Variants in SLC1A2 observed in about 807,000 individuals in gnomAD.
The protein encoded by SLC1A2 is excitatory amino acid transporter 2.
Under a neutral mutation model 48.8 loss-of-function variants are expected in SLC1A2, and 15 were observed. The ratio of observed to expected loss-of-function variants is 0.31; its 90% CI spans 0.21 to 0.47. SLC1A2 has a LOEUF of 0.47. Among genes scored for constraint, SLC1A2 ranks in the 20% least tolerant of loss-of-function variants. The probability of loss-of-function intolerance (pLI) is 0.99; values close to 1 mark genes in which losing one functional copy is unlikely to be tolerated. For missense variants in SLC1A2, 502 were observed against 730.5 expected (o/e 0.69, Z 3.61); for synonymous variants, 279 against 272.6 (o/e 1.02, Z -0.23).
At chr11:35,263,027 T>C (rs77049751) in intron 10 of SLC1A2, among the ~76,000 whole-genome samples, 2,039 of 152,236 alleles carry the variant, frequency 0.013, 25 homozygotes, top group Non-Finnish European at 0.024. Context: ...ATTTATTGAG[T>C]CCCCTACAAC....
At chr11:35,357,836 G>T (rs1351535626) in intron 1 of SLC1A2, among the ~76,000 whole-genome samples, 1 of 152,140 alleles carries the variant, frequency 6.6e-6, no homozygotes, top group South Asian at 2.1e-4. Flanking sequence ...AATGGTTTAA[G>T]TTCTTTTTCT....
At position 35,258,533 on chromosome 11, in the gene SLC1A2, T is replaced by G. The variant is rs1360885579; in HGVS notation, c.*2361A>C. 6.5e-6 allele frequency: 1 copy of G among 152,672 alleles called. No individual in the cohort carries two copies. The highest frequency in any genetic ancestry group is 1.5e-5 in the Non-Finnish European group (1 of 68,052). 9.5% of individuals were successfully genotyped at this position (152,672 alleles called of 1,614,324 possible). ...AACAAGCTCCTAGACGCTTTGCCTA[T>G]AGCCTCCAACTTACCAGAAAAAAGC... is the stretch of plus-strand genomic sequence containing the variant. On this transcript the variant is annotated 3_prime_UTR_variant, in exon 11 of 11. Transcript: ENST00000278379.
intron 1 of SLC1A2, among the ~76,000 whole-genome samples, chr11:35,328,943 C>A (rs1464153853): frequency 6.6e-6 from 1 of 152,204 alleles, no homozygotes; most frequent in Non-Finnish European, 1.5e-5. Context: ...ACACAAAACA[C>A]TGCACAGGGA....
At chr11:35,417,666 A>T (rs753991717) in intron 1 of SLC1A2, among the ~76,000 whole-genome samples, 12 of 152,336 alleles carry the variant, frequency 7.9e-5, no homozygotes, top group Non-Finnish European at 8.8e-5. Context: ...TCTAAACTGC[A>T]AAATAGGGCA....
chr11:35,419,063 G>A lies in SLC1A2; in HGVS notation c.-97C>T, dbSNP rs1010027357. 8.5e-7 allele frequency: 1 copy of A among 1,175,134 alleles called. No individual in the cohort carries two copies. The highest frequency in any genetic ancestry group is 1.2e-6 in the Non-Finnish European group (1 of 824,910). The allele number at this position is 1,175,134 out of a possible 1,614,324, so 72.8% of individuals were successfully genotyped here. A position where few individuals can be genotyped will look rare whatever the true frequency, so the allele number is the denominator to read the frequency against. On this transcript the variant is annotated 5_prime_UTR_variant, in exon 1 of 11. Coordinates refer to ENST00000278379, the MANE Select transcript of SLC1A2 (RefSeq NM_004171.4). The surrounding 1 kb of genome is among the most constrained non-coding windows in gnomAD (Gnocchi z 5.4). ...GTGAGCGCGAAGTGCGGCCGGGAGC[G>A]GTATTTAAGAGGAGCCTCTGCCCGC...
chr11:35,358,657 A>G (rs1853567951), intron 1 of SLC1A2, among the ~76,000 whole-genome samples: 2 of 152,084 alleles, frequency 1.3e-5, no homozygotes, highest in African/African-American at 4.8e-5. Context: ...TTTTATCATC[A>G]TCTTGGACTT....
At chr11:35,370,935 A>G in intron 1 of SLC1A2, 2 of 984,410 alleles carry the variant, frequency 2.0e-6, no homozygotes, top group Non-Finnish European at 2.4e-6. Flanking sequence ...ATATATGAAA[A>G]CTTGCCTTGC....
At chr11:35,399,108 G>A (rs189678842) in intron 1 of SLC1A2, among the ~76,000 whole-genome samples, 1 of 152,150 alleles carries the variant, frequency 6.6e-6, no homozygotes, top group Non-Finnish European at 1.5e-5. Flanking sequence ...AAAATGTTTG[G>A]TTTGGAATCT....
At chr11:35,302,319 T>C (rs1363463109) in intron 5 of SLC1A2, among the ~76,000 whole-genome samples, 1 of 152,344 alleles carries the variant, frequency 6.6e-6, no homozygotes, top group South Asian at 2.1e-4. Flanking sequence ...ATTTTCATGA[T>C]TGAAATGGTT....
rs563868572 is a variant in SLC1A2 at position 35,331,974 on chromosome 11, T to A, written c.18-14458A>T. On this transcript the variant is annotated intron_variant, in intron 1 of 10. Coordinates refer to ENST00000278379, the MANE Select transcript of SLC1A2 (RefSeq NM_004171.4). ...TGAGAGACTAGTGATTTGGAGGTAC[T>A]AAGGGGACCCAAGTCTGCAGGGACT... 3.3e-5 allele frequency among the ~76,000 whole-genome samples: 5 copies of A among 152,220 alleles called. No homozygotes were observed. The South Asian group carries it at 1.0e-3, about 32-fold the overall frequency.
rs777116682 is a variant in SLC1A2, at chr11:35,315,036, G to A, written c.297C>T (p.Ser99=). The change falls in exon 3 of 11, where the codon TCC becomes TCT. Residue 99 remains serine, a synonymous_variant. Coordinates refer to ENST00000278379, the MANE Select transcript of SLC1A2 (RefSeq NM_004171.4). ...AGGTAGTCTTACCTGTGATTAAGCT[G>A]GAGATGATTAGAGGGAGAATGAGCA... The part of the protein sequence containing the change: ...LKMLILPLII[S]SLITGLSGLD... 5.0e-6 allele frequency: 8 copies of A among 1,612,956 alleles called. No individual in the cohort carries two copies. Among genetic ancestry groups the A allele is most frequent in the Non-Finnish European group, 5.9e-6 (7 of 1,179,030 alleles).
At chr11:35,401,583 G>C (rs971048330) in intron 1 of SLC1A2, among the ~76,000 whole-genome samples, 1 of 152,180 alleles carries the variant, frequency 6.6e-6, no homozygotes, top group Admixed American at 6.5e-5. Flanking sequence ...TTGGGTGAGA[G>C]GAGGGGTCCA....
At chr11:35,298,086 G>C (rs1176307329) in intron 6 of SLC1A2, 1 of 152,170 alleles carries the variant, frequency 6.6e-6, no homozygotes, top group African/African-American at 2.4e-5. Flanking sequence ...GTCAACCTCT[G>C]TGCTTAGTTT....
At chr11:35,301,066 AAT>A (rs1162074766) in intron 6 of SLC1A2, among the ~76,000 whole-genome samples, 3 of 152,076 alleles carry the variant, frequency 2.0e-5, no homozygotes, top group Admixed American at 2.0e-4. Context: ...AAAATAAATA[AAT>A]ATCTTTCTAA....
At chr11:35,382,225 T>C (rs1854447950) in intron 1 of SLC1A2, among the ~76,000 whole-genome samples, 2 of 152,246 alleles carry the variant, frequency 1.3e-5, no homozygotes, top group South Asian at 4.1e-4. Context: ...GTTGGACCTT[T>C]ACTTACCATT....
chr11:35,277,486 C>A (rs866941390), intron 9 of SLC1A2, among the ~76,000 whole-genome samples: 9 of 152,222 alleles, frequency 5.9e-5, no homozygotes, highest in Non-Finnish European at 1.0e-4. Flanking sequence ...CCCTTTTCCT[C>A]ACTCCTGATC....
At chr11:35,409,044 C>T (rs2059489619) in intron 1 of SLC1A2, among the ~76,000 whole-genome samples, 1 of 152,180 alleles carries the variant, frequency 6.6e-6, no homozygotes, top group Admixed American at 6.5e-5. Context: ...TAATCAATGT[C>T]TTGGTCTCAG....
At chr11:35,271,232 T>C (rs187654828) in intron 9 of SLC1A2, among the ~76,000 whole-genome samples, 1 of 152,256 alleles carries the variant, frequency 6.6e-6, no homozygotes, top group East Asian at 1.9e-4. Flanking sequence ...ACGTTGAGGG[T>C]GAAGCATGTG....
chr11:35,364,380 C>T (rs189446301), intron 1 of SLC1A2, among the ~76,000 whole-genome samples: 60 of 152,336 alleles, frequency 3.9e-4, no homozygotes, highest in African/African-American at 1.4e-3. Context: ...TTCTTCTCAC[C>T]TACTTTCTTA....
Sources: gnomAD v4.1 joint callset for allele counts (sites outside exome capture counted in the v4.1 genomes callset) on GRCh38, gnomAD v4.1.1 for gene constraint, Gnocchi (gnomAD v3.1) non-coding constraint, MANE v1.5 for transcripts, NCBI Gene and HGNC (gene_info 2026-07-23, HGNC 2026-07-21) for gene names.